PARVB: variants seen among roughly 807,000 people sequenced by gnomAD.
PARVB encodes the protein parvin beta, also known as beta-parvin.
Under a neutral mutation model 47.0 loss-of-function variants are expected in PARVB, and 46 were observed. The observed-to-expected ratio is 0.98, with a 90% CI of 0.77 to 1.25. The LOEUF is 1.25. PARVB is among the 50% of genes most tolerant of loss of function. The probability of loss-of-function intolerance (pLI) is 0.00; values close to 1 mark genes in which losing one functional copy is unlikely to be tolerated. For synonymous variants in PARVB, 196 were observed against 196.3 expected (o/e 1.00, Z 0.01); for missense variants, 473 against 471.6 (o/e 1.00, Z -0.03).
At chr22:44,017,518 C>G (rs1355846204) in intron 2 of PARVB, among the ~76,000 whole-genome samples, 1 of 152,206 alleles carries the variant, frequency 6.6e-6, no homozygotes, top group Admixed American at 6.5e-5. Flanking sequence ...TTGGTTGTCA[C>G]TAGTTCTGCT....
At position 44,155,095 on chromosome 22, in the gene PARVB, T is replaced by C. The variant is rs2053903251; in HGVS notation, c.844-2887T>C. Among the ~76,000 whole-genome samples the C allele has an allele frequency of 6.6e-6, 1 of 151,674 alleles. No individual in the cohort carries two copies. Among genetic ancestry groups the C allele is most frequent in the South Asian group, 2.1e-4 (1 of 4,804 alleles). ...CTGTGTGGTGTGTGTGTGGTGTAGG[T>C]GTGTGTTTTCCCTCCTTTTCCAAAC... On this transcript the variant is annotated intron_variant, in intron 10 of 12. Coordinates refer to ENST00000338758, the MANE Select transcript of PARVB (RefSeq NM_013327.5). The surrounding 1 kb of genome is among the most constrained non-coding windows in gnomAD (Gnocchi z 4.8).
At chr22:44,037,587 C>T (rs553595851) in intron 1 of PARVB, among the ~76,000 whole-genome samples, 16 of 152,296 alleles carry the variant, frequency 1.1e-4, no homozygotes, top group African/African-American at 3.6e-4. Flanking sequence ...TGTGGTTATT[C>T]CCATTTTGCA....
At position 44,155,711 on chromosome 22, in the gene PARVB, G is replaced by A. The variant is rs1039542253; in HGVS notation, c.844-2271G>A. 2.0e-5 allele frequency among the ~76,000 whole-genome samples: 3 copies of A among 152,168 alleles called. No individual in the cohort carries two copies. The highest frequency in any genetic ancestry group is 4.4e-5 in the Non-Finnish European group (3 of 68,036). ...AGCACGCTTAACCAGGGTGCTGTGG[G>A]CATGAAGCTTCCATGTGGAGACACA... On this transcript the variant is annotated intron_variant, in intron 10 of 12. Coordinates refer to ENST00000338758, the MANE Select transcript of PARVB (RefSeq NM_013327.5). The surrounding 1 kb of genome is among the most constrained non-coding windows in gnomAD (Gnocchi z 4.8).
At chr22:44,135,834 C>T (rs930143997) in intron 6 of PARVB, among the ~76,000 whole-genome samples, 21 of 152,188 alleles carry the variant, frequency 1.4e-4, no homozygotes, top group African/African-American at 4.8e-4. Context: ...GTGGCCACAT[C>T]TCTCCAGTCT....
chr22:44,087,737 T>G (rs1212949228), intron 1 of PARVB, among the ~76,000 whole-genome samples: 1 of 151,982 alleles, frequency 6.6e-6, no homozygotes, highest in African/African-American at 2.4e-5. Flanking sequence ...GATGGAACTT[T>G]CGCATTTGGC....
chr22:44,083,095 C>T (rs996728203), intron 1 of PARVB, among the ~76,000 whole-genome samples: 5 of 152,222 alleles, frequency 3.3e-5, no homozygotes, highest in East Asian at 1.9e-4. Context: ...TCAGCCTCTA[C>T]GTGGCCACAT....
rs146623589 is a variant in PARVB at position 44,026,756 on chromosome 22, G to A, written c.112+2305G>A. ...CACCGTCGGCTTCATTTCCTCCTTT[G>A]TTAGAAAGTTGAGGGTGGATTTGGG... On this transcript the variant is annotated intron_variant, in intron 1 of 12. Coordinates refer to ENST00000338758, the MANE Select transcript of PARVB (RefSeq NM_013327.5). Among the ~76,000 whole-genome samples, 554 of 150,222 alleles carry A rather than the reference G, an allele frequency of 3.7e-3. 4 individuals are homozygous for A. Among genetic ancestry groups the A allele is most frequent in the African/African-American group, 0.013 (528 of 41,006 alleles).
At chr22:44,011,442 G>A (rs971601270) in intron 2 of PARVB, among the ~76,000 whole-genome samples, 4 of 151,988 alleles carry the variant, frequency 2.6e-5, no homozygotes, top group Admixed American at 2.0e-4. Flanking sequence ...ATGAAACCCT[G>A]TCTCTACTTT....
chr22:44,132,932 C>T lies in PARVB; in HGVS notation c.556C>T (p.Leu186=), dbSNP rs2053360825. 1 of 1,614,114 alleles carries T rather than the reference C, an allele frequency of 6.2e-7. No homozygotes were observed. Among genetic ancestry groups the T allele is most frequent in the Non-Finnish European group, 8.5e-7 (1 of 1,179,964 alleles). Residue 186 remains leucine (L), a synonymous_variant, in exon 6 of 13, where the codon CTG becomes TTG. Transcript: ENST00000338758. ...GAACCTGGTGGCCATCCTCCACCTG[C>T]TGGTCTCTCTGGCCATGCACTTCAG... ...GKNLVAILHL[L]VSLAMHFRAP... is the part of the protein sequence containing the mutation.
At chr22:44,007,065 A>G (rs890616282) in intron 2 of PARVB, among the ~76,000 whole-genome samples, 12 of 152,204 alleles carry the variant, frequency 7.9e-5, no homozygotes, top group African/African-American at 2.9e-4. Context: ...AAGCTTCACA[A>G]TGGTTACCAT....
chr22:44,044,088 G>A (rs1433987305), intron 1 of PARVB, among the ~76,000 whole-genome samples: 2 of 151,946 alleles, frequency 1.3e-5, no homozygotes, highest in Admixed American at 6.6e-5. Context: ...TGTGTGCACT[G>A]TTTTGCCTGA....
chr22:44,152,989 G>A (rs2053842645), intron 10 of PARVB: 1 of 152,210 alleles, frequency 6.6e-6, no homozygotes, highest in African/African-American at 2.4e-5. Flanking sequence ...GTCACCCGGA[G>A]ATGAATGCAC....
intron 4 of PARVB, among the ~76,000 whole-genome samples, chr22:44,121,573 C>G (rs776359501): frequency 2.0e-5 from 3 of 151,504 alleles, no homozygotes; most frequent in Non-Finnish European, 4.4e-5. Flanking sequence ...AAAAAAAATC[C>G]CCTAAAATAG....
At chr22:44,116,860 T>G (rs987497162) in intron 3 of PARVB, among the ~76,000 whole-genome samples, 2 of 151,928 alleles carry the variant, frequency 1.3e-5, no homozygotes, top group Non-Finnish European at 2.9e-5. Context: ...AGAGGCCCCG[T>G]GGCGCAGATG....
intron 1 of PARVB, among the ~76,000 whole-genome samples, chr22:44,043,465 G>A (rs557903142): frequency 4.6e-5 from 7 of 152,152 alleles, no homozygotes; most frequent in South Asian, 4.2e-4. Flanking sequence ...TGCAAGCTCC[G>A]CCTCCCGGGA....
At chr22:44,052,055 C>T (rs956477265) in intron 1 of PARVB, among the ~76,000 whole-genome samples, 6 of 152,220 alleles carry the variant, frequency 3.9e-5, no homozygotes, top group African/African-American at 1.2e-4. Context: ...GACTTCTGGC[C>T]TCCAGAACTG....
At chr22:44,133,075 G>C in intron 6 of PARVB, 66 bp downstream of exon 6, 2 of 1,097,096 alleles carry the variant, frequency 1.8e-6, no homozygotes, top group Non-Finnish European at 2.7e-6. Context: ...TCCTCCTGCA[G>C]TTTTCCTGCC....
At chr22:44,118,700 C>G (rs1285076346) in intron 3 of PARVB, among the ~76,000 whole-genome samples, 1 of 151,984 alleles carries the variant, frequency 6.6e-6, no homozygotes, top group Non-Finnish European at 1.5e-5. Context: ...TGTGCTAGCT[C>G]TGGACCTGGT....
intron 6 of PARVB, 88 bp from the exon 7 acceptor site, chr22:44,136,372 C>T: frequency 1.7e-6 from 2 of 1,163,086 alleles, no homozygotes; most frequent in Non-Finnish European, 2.6e-6. Flanking sequence ...AAGATGATCT[C>T]CGGCCCCGCA....
Sources: allele counts gnomAD v4.1 joint callset (sites outside exome capture counted in the v4.1 genomes callset), GRCh38; gene constraint gnomAD v4.1.1; non-coding constraint Gnocchi (gnomAD v3.1); transcripts MANE v1.5; gene names NCBI Gene and HGNC (gene_info 2026-07-23, HGNC 2026-07-21).